Variants in PPM1D observed in about 807,000 individuals in gnomAD.
PPM1D encodes the protein protein phosphatase, Mg2+/Mn2+ dependent 1D.
A neutral mutation model predicts 58.3 loss-of-function variants in PPM1D; 52 were observed. The observed-to-expected ratio is 0.89, with a 90% CI of 0.71 to 1.12. The LOEUF is 1.12. PPM1D is among the 50% of genes most tolerant of loss of function. The pLI is 0.00. For missense variants in PPM1D, 564 were observed against 777.2 expected (o/e 0.73, Z 3.26); for synonymous variants, 278 against 285.1 (o/e 0.98, Z 0.25).
At chr17:60,611,156 G>C (rs1289242923) in intron 1 of PPM1D, among the ~76,000 whole-genome samples, 1 of 151,918 alleles carries the variant, frequency 6.6e-6, no homozygotes, top group Non-Finnish European at 1.5e-5. Flanking sequence ...AAAGTAGCTG[G>C]GATTACAAGC....
chr17:60,629,900 C>T (rs2030885220), intron 2 of PPM1D, among the ~76,000 whole-genome samples: 1 of 151,986 alleles, frequency 6.6e-6, no homozygotes, highest in African/African-American at 2.4e-5. Flanking sequence ...ATTATCCAGG[C>T]GTAGTGGCAT....
intron 3 of PPM1D, among the ~76,000 whole-genome samples, chr17:60,639,980 A>T (rs2031102550): frequency 6.6e-6 from 1 of 152,180 alleles, no homozygotes; most frequent in Non-Finnish European, 1.5e-5. Flanking sequence ...GAAATAAGAG[A>T]CTTGGATAAA....
At chr17:60,649,153 G>A (rs1346061462) in intron 4 of PPM1D, among the ~76,000 whole-genome samples, 3 of 151,564 alleles carry the variant, frequency 2.0e-5, no homozygotes, top group African/African-American at 7.3e-5. Flanking sequence ...GAACTCCTAG[G>A]CTTAAGCAGT....
intron 1 of PPM1D, among the ~76,000 whole-genome samples, chr17:60,613,973 G>A (rs553003684): frequency 1.4e-3 from 43 of 30,112 alleles, no homozygotes; most frequent in Admixed American, 2.3e-3. Context: ...GCCCGGTCCC[G>A]TCGACTGCCC....
chr17:60,602,068 C>G (rs1174537963), intron 1 of PPM1D, among the ~76,000 whole-genome samples: 3 of 152,212 alleles, frequency 2.0e-5, no homozygotes, highest in Non-Finnish European at 4.4e-5. Context: ...GTTTCAAAGT[C>G]TGTTTTCCAT....
In PPM1D at chr17:60,600,273, C is replaced by G; in HGVS notation, c.-142C>G. On this transcript the variant is annotated 5_prime_UTR_variant, in exon 1 of 6. Coordinates refer to ENST00000305921, the MANE Select transcript of PPM1D (RefSeq NM_003620.4). ...CGCGGACAAGTCCAGACATCGCGCG[C>G]CCCCCCTTCTCCGGGTCCGCCCCCT... is the stretch of plus-strand genomic sequence containing the variant. The G allele has an allele frequency of 2.1e-6, 3 of 1,405,928 alleles. No homozygotes were observed. Among genetic ancestry groups the G allele is most frequent in the Non-Finnish European group, 2.8e-6 (3 of 1,073,110 alleles). 87.1% of individuals were successfully genotyped at this position (1,405,928 alleles called of 1,614,324 possible).
chr17:60,613,186 A>G (rs2030496006), intron 1 of PPM1D, among the ~76,000 whole-genome samples: 2 of 152,190 alleles, frequency 1.3e-5, no homozygotes, highest in Admixed American at 1.3e-4. Flanking sequence ...AATAAGGGCT[A>G]AAGTGAAAGC....
intron 3 of PPM1D, among the ~76,000 whole-genome samples, chr17:60,645,632 ATATGTG>A (rs1181371636): frequency 2.2e-5 from 3 of 138,050 alleles, no homozygotes. Context: ...ATGTATATGT[ATATGTG>A]TGTGTGTGTA....
intron 5 of PPM1D, 84 bp from the exon 6 acceptor site, chr17:60,662,911 A>G (rs896775188): frequency 1.7e-5 from 23 of 1,322,286 alleles, no homozygotes; most frequent in Non-Finnish European, 2.2e-5. Context: ...TACTAGCTTC[A>G]TAAGAAGCCT....
intron 3 of PPM1D, among the ~76,000 whole-genome samples, chr17:60,635,510 T>C (rs1255746594): frequency 6.6e-6 from 1 of 152,222 alleles, no homozygotes; most frequent in Non-Finnish European, 1.5e-5. Flanking sequence ...CCACTGTGCC[T>C]GGCAAGATTT....
At chr17:60,631,412 G>A (rs537232566) in intron 2 of PPM1D, among the ~76,000 whole-genome samples, 2 of 152,082 alleles carry the variant, frequency 1.3e-5, no homozygotes, top group South Asian at 2.1e-4. Context: ...GCTGAGGCAG[G>A]CAGATTACTT....
chr17:60,651,680 A>ACCACCATGCCAAG (rs1476805945), intron 4 of PPM1D, among the ~76,000 whole-genome samples: 1 of 151,972 alleles, frequency 6.6e-6, no homozygotes, highest in Non-Finnish European at 1.5e-5. Flanking sequence ...ACAGGTGTGA[A>ACCACCATGCCAAG]CCACCATGCC....
At chr17:60,602,885 A>AT (rs2030247979) in intron 1 of PPM1D, among the ~76,000 whole-genome samples, 4 of 151,548 alleles carry the variant, frequency 2.6e-5, no homozygotes, top group Admixed American at 2.6e-4. Context: ...ATGGCTCCAC[A>AT]TTTTCTGTAA....
intron 4 of PPM1D, 135 bp from the exon 5 acceptor site, chr17:60,656,464 A>G (rs367787038): frequency 2.2e-4 from 265 of 1,203,172 alleles, no homozygotes; most frequent in Admixed American, 2.1e-3. Flanking sequence ...AAAAAAAAAA[A>G]AGAGAAAAGA....
At chr17:60,618,452 G>C (rs949329270) in intron 1 of PPM1D, among the ~76,000 whole-genome samples, 2 of 152,092 alleles carry the variant, frequency 1.3e-5, no homozygotes, top group Non-Finnish European at 2.9e-5. Flanking sequence ...ACCACAGTTC[G>C]GTTGCTATTG....
At position 60,662,938 on chromosome 17, in the gene PPM1D, A is replaced by T. The variant is rs1047856702; in HGVS notation, c.1261-57A>T. 1.1e-5 allele frequency: 17 copies of T among 1,480,818 alleles called. No individual in the cohort carries two copies. In the South Asian group the frequency reaches 2.1e-4, roughly 18 times the overall value. The allele number at this position is 1,480,818 out of a possible 1,614,324, so 91.7% of individuals were successfully genotyped here. On this transcript the variant is annotated intron_variant, in intron 5 of 5. Coordinates refer to ENST00000305921, the MANE Select transcript of PPM1D (RefSeq NM_003620.4). ...AAGAAGCCTAATATCACATGCATAGATTTGTTGAGTTCTGGGATAAATTTT... is the reference window on the plus strand; with the variant it reads ...AAGAAGCCTAATATCACATGCATAGTTTTGTTGAGTTCTGGGATAAATTTT...
chr17:60,633,632 G>T (rs1567971106), intron 2 of PPM1D, among the ~76,000 whole-genome samples: 1 of 151,896 alleles, frequency 6.6e-6, no homozygotes, highest in Non-Finnish European at 1.5e-5. Context: ...CATTCATTTG[G>T]TTATACTGCC....
intron 2 of PPM1D, among the ~76,000 whole-genome samples, chr17:60,626,268 G>T (rs552848026): frequency 6.6e-6 from 1 of 152,040 alleles, no homozygotes; most frequent in Admixed American, 6.6e-5. Flanking sequence ...CTCTATAAAG[G>T]TTGTACCAAT....
intron 4 of PPM1D, among the ~76,000 whole-genome samples, chr17:60,652,051 T>C (rs2070381774): frequency 6.6e-6 from 1 of 152,226 alleles, no homozygotes; most frequent in African/African-American, 2.4e-5. Flanking sequence ...AAGTATACTA[T>C]ACATATGACA....
Sources: gnomAD v4.1 joint callset for allele counts (sites outside exome capture counted in the v4.1 genomes callset) on GRCh38, gnomAD v4.1.1 for gene constraint, MANE v1.5 for transcripts, NCBI Gene and HGNC (gene_info 2026-07-23, HGNC 2026-07-21) for gene names.